Variants in ALK observed in about 807,000 individuals in gnomAD.
ALK encodes the protein ALK tyrosine kinase receptor.
A neutral mutation model predicts 163.1 loss-of-function variants in ALK; 74 were observed. The observed-to-expected ratio is 0.45, with a 90% CI of 0.38 to 0.55. The LOEUF (loss-of-function observed/expected upper bound fraction) is 0.55. ALK is among the 20% of genes least tolerant of loss of function. ALK has a pLI of 0.00. For synonymous variants in ALK, 960 were observed against 843.2 expected (o/e 1.14, Z -2.40); for missense variants, 2,063 against 2,105.3 (o/e 0.98, Z 0.39).
At chr2:29,341,551 G>A (rs979563486) in intron 5 of ALK, among the ~76,000 whole-genome samples, 9 of 152,220 alleles carry the variant, frequency 5.9e-5, no homozygotes, top group African/African-American at 1.9e-4. Context: ...CACTGCAGGA[G>A]GTTGAGTCTG....
chr2:29,879,544 C>G (rs1344372001), intron 1 of ALK, among the ~76,000 whole-genome samples: 2 of 152,212 alleles, frequency 1.3e-5, no homozygotes, highest in Non-Finnish European at 2.9e-5. Flanking sequence ...ACCTCCCAAA[C>G]AAATCCCACT....
intron 5 of ALK, among the ~76,000 whole-genome samples, chr2:29,365,044 A>G (rs1296865939): frequency 2.6e-5 from 4 of 152,138 alleles, no homozygotes; most frequent in East Asian, 1.9e-4. Flanking sequence ...AGAAATACCA[A>G]TGCTCAGAGA....
chr2:29,441,101 A>C (rs1670529993), intron 4 of ALK, among the ~76,000 whole-genome samples: 1 of 152,210 alleles, frequency 6.6e-6, no homozygotes, highest in South Asian at 2.1e-4. Flanking sequence ...GCTCACCTGA[A>C]CACTGTAAGA....
At chr2:29,196,492 A>C (rs1374671605) in intron 28 of ALK, among the ~76,000 whole-genome samples, 1 of 152,246 alleles carries the variant, frequency 6.6e-6, no homozygotes, top group African/African-American at 2.4e-5. Context: ...TTAGGTCCCC[A>C]GTAGGGACTT....
chr2:29,500,737 C>G (rs987483416), intron 4 of ALK, among the ~76,000 whole-genome samples: 6 of 152,164 alleles, frequency 3.9e-5, no homozygotes, highest in Non-Finnish European at 8.8e-5. Context: ...GACCCTGTCT[C>G]ATCCATCCCC....
At chr2:29,739,330 C>T (rs892049236) in intron 1 of ALK, among the ~76,000 whole-genome samples, 5 of 144,922 alleles carry the variant, frequency 3.5e-5, no homozygotes, top group African/African-American at 5.1e-5. Flanking sequence ...GAGCCCAAGG[C>T]GGGTAGATCA....
chr2:29,542,638 G>A (rs1476013271), intron 3 of ALK, among the ~76,000 whole-genome samples: 1 of 152,040 alleles, frequency 6.6e-6, no homozygotes, highest in African/African-American at 2.4e-5. Context: ...GTCTAACGCT[G>A]GTTTTATTTG....
intron 1 of ALK, among the ~76,000 whole-genome samples, chr2:29,907,547 A>G (rs1667584499): frequency 6.6e-6 from 1 of 152,128 alleles, no homozygotes; most frequent in Admixed American, 6.5e-5. Context: ...ATAACACCAC[A>G]TGATCCACAG....
chr2:29,382,997 G>T (rs1668940595), intron 5 of ALK, among the ~76,000 whole-genome samples: 1 of 152,148 alleles, frequency 6.6e-6, no homozygotes, highest in African/African-American at 2.4e-5. Flanking sequence ...GAGGCACAAA[G>T]TTCAAATCCA....
intron 2 of ALK, among the ~76,000 whole-genome samples, chr2:29,717,213 G>T (rs1234551335): frequency 6.7e-6 from 1 of 149,290 alleles, no homozygotes; most frequent in Non-Finnish European, 1.5e-5. Flanking sequence ...GATTGTGATT[G>T]CTAGAAACAC....
At chr2:29,450,443 T>G (rs1227934304) in intron 4 of ALK, among the ~76,000 whole-genome samples, 3 of 152,044 alleles carry the variant, frequency 2.0e-5, no homozygotes, top group African/African-American at 7.2e-5. Flanking sequence ...TTCAGAGAAG[T>G]GACTGCAACA....
At chr2:29,493,784 G>A (rs1671958266) in intron 4 of ALK, among the ~76,000 whole-genome samples, 1 of 152,242 alleles carries the variant, frequency 6.6e-6, no homozygotes, top group Non-Finnish European at 1.5e-5. Flanking sequence ...CACTTTGGAA[G>A]CAGGTGAACA....
chr2:29,203,512 T>TTTTTTTTTTG (rs869138004), intron 26 of ALK, among the ~76,000 whole-genome samples: 1 of 127,624 alleles, frequency 7.8e-6, no homozygotes, highest in African/African-American at 2.8e-5. Flanking sequence ...TTTTTTTTTT[T>TTTTTTTTTTG]GTGAGACAGA....
At chr2:29,904,178 C>A (rs1351032555) in intron 1 of ALK, among the ~76,000 whole-genome samples, 1 of 152,054 alleles carries the variant, frequency 6.6e-6, no homozygotes, top group African/African-American at 2.4e-5. Flanking sequence ...ATTAAAAGAT[C>A]TTACAATGAA....
intron 4 of ALK, among the ~76,000 whole-genome samples, chr2:29,397,512 C>G (rs544222088): frequency 2.0e-5 from 3 of 152,270 alleles, no homozygotes; most frequent in Admixed American, 1.3e-4. Context: ...TATGGCAGTC[C>G]TTGCAAACTA....
chr2:29,763,360 A>G (rs1680767031), intron 1 of ALK, among the ~76,000 whole-genome samples: 1 of 152,174 alleles, frequency 6.6e-6, no homozygotes, highest in South Asian at 2.1e-4. Flanking sequence ...TTCTCCTTCT[A>G]GTCACTTTGA....
Position 29,193,012 on chromosome 2 carries a change from T to G in ALK, c.*212A>C, listed in dbSNP as rs1668909418. 1 of 592,724 alleles carries G rather than the reference T, an allele frequency of 1.7e-6. No individual in the cohort carries two copies. Among genetic ancestry groups the G allele is most frequent in the Non-Finnish European group, 3.0e-6 (1 of 334,534 alleles). 36.7% of individuals were successfully genotyped at this position (592,724 alleles called of 1,614,324 possible). ...GCCTTGTATTTATCACTCATTTTTATGATATTTTCTTCTTTCGAAAGAATA... is the reference window on the plus strand; with the variant it reads ...GCCTTGTATTTATCACTCATTTTTAGGATATTTTCTTCTTTCGAAAGAATA... On this transcript the variant is annotated 3_prime_UTR_variant, in exon 29 of 29. Coordinates refer to ENST00000389048, the MANE Select transcript of ALK (RefSeq NM_004304.5).
At chr2:29,632,302 G>T (rs898811967) in intron 3 of ALK, among the ~76,000 whole-genome samples, 5 of 152,132 alleles carry the variant, frequency 3.3e-5, no homozygotes, top group Admixed American at 2.0e-4. Flanking sequence ...GGAGTGAATT[G>T]TGTCCCTCTC....
At chr2:29,202,399 A>G (rs1669204326) in intron 26 of ALK, among the ~76,000 whole-genome samples, 2 of 152,208 alleles carry the variant, frequency 1.3e-5, no homozygotes, top group African/African-American at 4.8e-5. Flanking sequence ...AACAGTCAAA[A>G]CTTTAAAAAG....
Sources: allele counts gnomAD v4.1 joint callset (sites outside exome capture counted in the v4.1 genomes callset), GRCh38; gene constraint gnomAD v4.1.1; transcripts MANE v1.5; gene names NCBI Gene and HGNC (gene_info 2026-07-23, HGNC 2026-07-21).